Variants in DHX37 observed in about 807,000 individuals in gnomAD.
DHX37 encodes probable ATP-dependent RNA helicase DHX37.
DHX37 carries 52 observed loss-of-function variants against 134.3 expected under a neutral mutation model. The observed-to-expected ratio is 0.39, with a 90% CI of 0.31 to 0.49. DHX37 has a LOEUF of 0.49. DHX37 is among the 20% of genes least tolerant of loss of function. The pLI, the probability that DHX37 is intolerant of heterozygous loss-of-function variation, is 0.93. For synonymous variants in DHX37, 634 were observed against 670.7 expected (o/e 0.95, Z 0.85); for missense variants, 1,344 against 1,580.8 (o/e 0.85, Z 2.54).
chr12:124,973,603 T>C (rs1954565003), intron 6 of DHX37, among the ~76,000 whole-genome samples: 1 of 148,622 alleles, frequency 6.7e-6, no homozygotes, highest in African/African-American at 2.5e-5. Context: ...CATTATACTA[T>C]CCTTTCTACT....
chr12:124,982,561 A>G lies in DHX37; in HGVS notation c.339T>C (p.Phe113=), dbSNP rs114755191. 135 of 1,613,772 alleles carry G rather than the reference A, an allele frequency of 8.4e-5. 1 individual carries two copies. In the African/African-American group the frequency reaches 1.3e-3, roughly 15 times the overall value. ...VQASEAEMRL[F]YTTSKLGTGN... ...CAGTGCCTAGCTTGGAAGTGGTATA[A>G]AAGAGTCTCATCTCAGCTTCGGAAG... Residue 113 remains phenylalanine, a synonymous_variant, in exon 3 of 27, where the codon TTT becomes TTC. Transcript: ENST00000308736.
At chr12:124,984,549 A>G (rs1009963311) in intron 2 of DHX37, among the ~76,000 whole-genome samples, 1 of 152,154 alleles carries the variant, frequency 6.6e-6, no homozygotes, top group Non-Finnish European at 1.5e-5. Context: ...ATAATAAAAT[A>G]AAATAAAAAT....
chr12:124,975,292 C>T, intron 6 of DHX37, 127 bp downstream of exon 6: 1 of 914,042 alleles, frequency 1.1e-6, no homozygotes, highest in Non-Finnish European at 1.7e-6. Flanking sequence ...CCCAGTGCTA[C>T]ATGCAGAGGT....
intron 18 of DHX37, among the ~76,000 whole-genome samples, chr12:124,955,612 A>C (rs1204938914): frequency 6.6e-6 from 1 of 152,168 alleles, no homozygotes; most frequent in Non-Finnish European, 1.5e-5. Flanking sequence ...TGCCCGGCTA[A>C]AGCTGCTTTT....
rs138311838 is a variant in DHX37 at position 124,968,549 on chromosome 12, G to A, written c.1393C>T (p.Arg465Trp). Residue 465 changes from arginine to tryptophan, a missense_variant, in exon 10 of 27, where the codon CGG becomes TGG. Arg to Trp is a moderately radical substitution (Grantham distance 101, BLOSUM62 -3). Transcript: ENST00000308736. ...AGGGCCTCACCTGCGGGCAGCATCC[G>A]GTGGATCTTGCAGACCTTCCGGAAG... is the stretch of plus-strand genomic sequence containing the variant. Reference protein sequence around the residue: ...ECFRKVCKIHRMLPAGGILVF... With the variant: ...ECFRKVCKIHWMLPAGGILVF... The A allele has an allele frequency of 4.4e-5, 71 of 1,613,536 alleles. 1 individual carries two copies. Among genetic ancestry groups the A allele is most frequent in the South Asian group, 2.7e-4 (25 of 91,088 alleles).
rs1954854922 is a variant in DHX37, at chr12:124,985,618, G to A, written c.276+478C>T. Among the ~76,000 whole-genome samples the A allele has an allele frequency of 2.7e-5, 4 of 148,394 alleles. No individual in the cohort carries two copies. The South Asian group carries it at 8.6e-4, about 32-fold the overall frequency. On this transcript the variant is annotated intron_variant, in intron 2 of 26. Transcript: ENST00000308736. ...AAAAAATAGCCTGACGTGGTGGCAC[G>A]CGCCTGTAATCCCAGCTACACAGGA...
Position 124,982,556 on chromosome 12 carries a change from G to T in DHX37, c.344C>A (p.Thr115Asn). 1 of 1,613,776 alleles carries T rather than the reference G, an allele frequency of 6.2e-7. No individual in the cohort carries two copies. The highest frequency in any genetic ancestry group is 8.5e-7 in the Non-Finnish European group (1 of 1,179,826). ...GTTCCCAGTGCCTAGCTTGGAAGTG[G>T]TATAAAAGAGTCTCATCTCAGCTTC... ...ASEAEMRLFY[T>N]TSKLGTGNRM... The change falls in exon 3 of 27, where the codon ACC (threonine) becomes AAC (asparagine). Residue 115 changes from threonine to asparagine, a missense_variant. Around this residue, in one of 7 missense-constraint regions of DHX37, gnomAD observed 319 missense variants for 296.1 expected, o/e 1.08. Transcript: ENST00000308736.
At chr12:124,985,577 A>G (rs1954852355) in intron 2 of DHX37, among the ~76,000 whole-genome samples, 1 of 98,414 alleles carries the variant, frequency 1.0e-5, no homozygotes, top group Non-Finnish European at 1.9e-5. Flanking sequence ...TCTACTAAAA[A>G]TACAAAAAAA....
intron 15 of DHX37, among the ~76,000 whole-genome samples, chr12:124,960,952 T>A (rs1954226279): frequency 6.6e-6 from 1 of 152,254 alleles, no homozygotes; most frequent in African/African-American, 2.4e-5. Flanking sequence ...AGACTCCGTC[T>A]CAAAACCAAA....
chr12:124,972,166 G>A (rs1380571784), intron 7 of DHX37, among the ~76,000 whole-genome samples: 2 of 152,228 alleles, frequency 1.3e-5, no homozygotes, highest in African/African-American at 2.4e-5. Flanking sequence ...CAGGCTTTCA[G>A]TACACCCCCG....
intron 4 of DHX37, among the ~76,000 whole-genome samples, chr12:124,978,888 C>T (rs1954700321): frequency 1.3e-5 from 2 of 151,036 alleles, no homozygotes; most frequent in Non-Finnish European, 2.9e-5. Flanking sequence ...ACTGTGATCA[C>T]ACCACTGCAC....
chr12:124,982,733 A>C lies in DHX37; in HGVS notation c.277-110T>G, dbSNP rs1954783553. On this transcript the variant is annotated intron_variant, in intron 2 of 26. Coordinates refer to ENST00000308736, the MANE Select transcript of DHX37 (RefSeq NM_032656.4). Reference sequence around the variant, plus strand: ...ATCATTAACACCTGGAGTCTTTAAAATCGGCGGTCAAATTGCAATTCTACT... The same window carrying C: ...ATCATTAACACCTGGAGTCTTTAAACTCGGCGGTCAAATTGCAATTCTACT... 31 of 1,444,442 alleles carry C rather than the reference A, an allele frequency of 2.1e-5. 1 individual carries two copies. The South Asian group carries it at 3.9e-4, about 18-fold the overall frequency. 89.5% of individuals were successfully genotyped at this position (1,444,442 alleles called of 1,614,324 possible).
chr12:124,950,819 G>A lies in DHX37; in HGVS notation c.2869-15C>T, dbSNP rs773374631. The A allele has an allele frequency of 3.1e-6, 5 of 1,595,310 alleles. No homozygotes were observed. Among genetic ancestry groups the A allele is most frequent in the Admixed American group, 1.9e-5 (1 of 53,344 alleles). ...AGGAGAGGGGTCTGCAGAGAATGGAGAGTGATGTGGTCAGGGAAGAACCCA... is the reference window on the plus strand; with the variant it reads ...AGGAGAGGGGTCTGCAGAGAATGGAAAGTGATGTGGTCAGGGAAGAACCCA... On this transcript the variant is annotated splice_polypyrimidine_tract_variant and intron_variant, in intron 21 of 26. Transcript: ENST00000308736.
chr12:124,968,625 C>T lies in DHX37; in HGVS notation c.1317G>A (p.Val439=). ...VIKVESRQFP[V]TVHFNKRTPL... ...GTGTCCGCTTGTTGAAATGCACAGT[C>T]ACTGGGAACTGCCTGGATTCCACCT... Residue 439 remains valine (V), a synonymous_variant, in exon 10 of 27, where the codon GTG becomes GTA. Transcript: ENST00000308736. 6.2e-7 allele frequency: 1 copy of T among 1,614,158 alleles called. No homozygotes were observed.
intron 20 of DHX37, chr12:124,952,797 TG>T (rs1388387631): frequency 2.6e-6 from 1 of 379,154 alleles, no homozygotes; most frequent in Non-Finnish European, 4.6e-6. Context: ...ACATCCTGCC[TG>T]GGCAGCAGAG....
intron 18 of DHX37, 76 bp from the exon 19 acceptor site, chr12:124,954,287 T>G: frequency 6.6e-7 from 1 of 1,507,748 alleles, no homozygotes. Context: ...AACTCCTTTA[T>G]TCATCGGGAC....
Position 124,968,906 on chromosome 12 carries a change from C to T in DHX37, c.1254G>A (p.Gln418=). 2 of 1,614,144 alleles carry T rather than the reference C, an allele frequency of 1.2e-6. No individual in the cohort carries two copies. The highest frequency in any genetic ancestry group is 1.7e-6 in the Non-Finnish European group (2 of 1,180,042). ...SATLRVEDFT[Q]NPRLFAKPPP... is the part of the protein sequence containing the mutation. Reference sequence around the variant, plus strand: ...GCGGCTTGGCGAAGAGCCGTGGGTTCTGGGTGAAGTCCTCCACCCGCAGCG... The same window carrying T: ...GCGGCTTGGCGAAGAGCCGTGGGTTTTGGGTGAAGTCCTCCACCCGCAGCG... The change falls in exon 9 of 27, where the codon CAG becomes CAA. Residue 418 remains glutamine, a synonymous_variant. Transcript: ENST00000308736.
intron 2 of DHX37, among the ~76,000 whole-genome samples, chr12:124,984,166 C>T (rs1170619486): frequency 6.6e-6 from 1 of 152,132 alleles, no homozygotes; most frequent in African/African-American, 2.4e-5. Context: ...AAAACTGTTC[C>T]GGATGACAGT....
intron 21 of DHX37, among the ~76,000 whole-genome samples, chr12:124,951,250 C>T (rs371306168): frequency 4.7e-5 from 7 of 149,896 alleles, no homozygotes; most frequent in South Asian, 2.1e-4. Context: ...CATTGCACTC[C>T]GGCTTGGGCA....
Sources: gnomAD v4.1 joint callset for allele counts (sites outside exome capture counted in the v4.1 genomes callset) on GRCh38, gnomAD v4.1.1 for gene constraint, gnomAD v4.1.1 regional missense constraint, MANE v1.5 for transcripts, NCBI Gene and HGNC (gene_info 2026-07-23, HGNC 2026-07-21) for gene names.